Variants in PCDHA11 observed in about 807,000 individuals in gnomAD.
PCDHA11 encodes the protein protocadherin alpha 11, also known as protocadherin alpha-11.
In PCDHA11, 61 loss-of-function variants were observed where a neutral mutation model predicts 70.3. The observed-to-expected ratio is 0.87, with a 90% CI of 0.71 to 1.07. PCDHA11 has a LOEUF of 1.07. Ranked by LOEUF, PCDHA11 falls within the 50% of genes least tolerant of loss-of-function variation. The pLI is 0.00. For missense variants in PCDHA11, 1,324 were observed against 1,237.5 expected, an observed-to-expected ratio of 1.07 and a Z score of -1.05; for synonymous variants, 633 against 555.1, an observed-to-expected ratio of 1.14 and a Z score of -1.97.
At chr5:140,972,027 C>A (rs2096514532) in intron 1 of PCDHA11, among the ~76,000 whole-genome samples, 1 of 152,110 alleles carries the variant, frequency 6.6e-6, no homozygotes, top group African/African-American at 2.4e-5. Flanking sequence ...GATATTCAGG[C>A]ATTTAAGCTA....
In PCDHA11 at chr5:140,949,013, T is replaced by C. The variant is rs541040709; in HGVS notation, c.2392-29936T>C. Among the ~76,000 whole-genome samples, 141 of 151,862 alleles carry C rather than the reference T, an allele frequency of 9.3e-4. No homozygotes were observed. In the Middle Eastern group the frequency reaches 0.01, roughly 11 times the overall value. On this transcript the variant is annotated intron_variant, in intron 1 of 3. Transcript: ENST00000398640. ...GCATTTTACTAATTTTTATATGTGATGTTTTTATTTTTATTCATTTAAAAG... is the reference window on the plus strand; with the variant it reads ...GCATTTTACTAATTTTTATATGTGACGTTTTTATTTTTATTCATTTAAAAG...
intron 1 of PCDHA11, among the ~76,000 whole-genome samples, chr5:140,896,597 G>A (rs577303751): frequency 1.3e-5 from 2 of 151,484 alleles, no homozygotes; most frequent in African/African-American, 4.8e-5. Flanking sequence ...GGCTGGTCTC[G>A]AACTCCTGGT....
intron 3 of PCDHA11, among the ~76,000 whole-genome samples, chr5:140,985,873 G>C (rs1210347898): frequency 1.3e-5 from 2 of 151,280 alleles, no homozygotes; most frequent in Non-Finnish European, 2.9e-5. Flanking sequence ...CTGAGTAGCT[G>C]GGACTACAGG....
chr5:140,898,653 G>A (rs1321472129), intron 1 of PCDHA11, among the ~76,000 whole-genome samples: 1 of 152,202 alleles, frequency 6.6e-6, no homozygotes, highest in Non-Finnish European at 1.5e-5. Context: ...TTTTGGCTTA[G>A]GATTGACTTG....
At chr5:140,941,215 C>CTTTCTTTCTTTCTT (rs2092887387) in intron 1 of PCDHA11, among the ~76,000 whole-genome samples, 1 of 104,510 alleles carries the variant, frequency 9.6e-6, no homozygotes, top group African/African-American at 3.7e-5. Context: ...TTCTTTCTTC[C>CTTTCTTTCTTTCTT]TTTCTTTCTT....
intron 1 of PCDHA11, among the ~76,000 whole-genome samples, chr5:140,913,589 T>G (rs1342360734): frequency 6.6e-6 from 1 of 152,168 alleles, no homozygotes; most frequent in Non-Finnish European, 1.5e-5. Context: ...TATTTCTGCT[T>G]TGATCTTTAT....
At chr5:140,874,045 A>C (rs1365438306) in intron 1 of PCDHA11, among the ~76,000 whole-genome samples, 1 of 152,212 alleles carries the variant, frequency 6.6e-6, no homozygotes, top group East Asian at 1.9e-4. Flanking sequence ...CTTGGTGATG[A>C]TATTAGACAA....
At chr5:140,995,629 T>C (rs1333793289) in intron 3 of PCDHA11, among the ~76,000 whole-genome samples, 1 of 152,164 alleles carries the variant, frequency 6.6e-6, no homozygotes, top group Admixed American at 6.5e-5. Context: ...TTGGAAACTT[T>C]GGAGTGTTTA....
At position 140,993,501 on chromosome 5, in the gene PCDHA11, C is replaced by CACACAT. The variant is rs1554253793; in HGVS notation, c.2539+10943_2539+10944insTACACA. Reference sequence around the variant, plus strand: ...ACACACACACACACACACACACACACACACACACGGGGAGAGAGAGACAGA... The same window carrying CACACAT: ...ACACACACACACACACACACACACACACACATACACACACGGGGAGAGAGAGACAGA... On this transcript the variant is annotated intron_variant, in intron 3 of 3. Coordinates refer to ENST00000398640, the MANE Select transcript of PCDHA11 (RefSeq NM_018902.5). Among the ~76,000 whole-genome samples the CACACAT allele has an allele frequency of 3.4e-5, 5 of 148,992 alleles. No homozygotes were observed. The East Asian group carries it at 7.8e-4, about 23-fold the overall frequency.
At chr5:140,960,186 G>A (rs2153724328) in intron 1 of PCDHA11, among the ~76,000 whole-genome samples, 1 of 152,260 alleles carries the variant, frequency 6.6e-6, no homozygotes, top group East Asian at 1.9e-4. Flanking sequence ...GGGGTTGCAT[G>A]TGTAGTGGTC....
At chr5:140,896,864 G>A (rs1223708211) in intron 1 of PCDHA11, among the ~76,000 whole-genome samples, 1 of 152,088 alleles carries the variant, frequency 6.6e-6, no homozygotes, top group Admixed American at 6.5e-5. Flanking sequence ...CATAATAAGT[G>A]TACATATTTA....
chr5:140,873,888 T>C (rs1225763068), intron 1 of PCDHA11, among the ~76,000 whole-genome samples: 2 of 152,232 alleles, frequency 1.3e-5, no homozygotes, highest in African/African-American at 4.8e-5. Flanking sequence ...CTTGAACTCC[T>C]GACCTCAGGT....
rs1271953937 is a variant in PCDHA11, at chr5:140,869,704, G to A, written c.601G>A (p.Asp201Asn). The change falls in exon 1 of 4, where the codon GAT becomes AAT. Residue 201 changes from aspartate (D) to asparagine (N), a missense_variant. Coordinates refer to ENST00000398640, the MANE Select transcript of PCDHA11 (RefSeq NM_018902.5). ...RLSLILKKSL[D>N]REKTPELNLL... ...GTCACTTATTTTAAAGAAGTCTCTG[G>A]ATAGAGAGAAAACTCCGGAACTTAA... The A allele has an allele frequency of 2.5e-6, 4 of 1,613,400 alleles. No homozygotes were observed. The highest frequency in any genetic ancestry group is 3.3e-5 in the Admixed American group (2 of 60,022).
intron 1 of PCDHA11, among the ~76,000 whole-genome samples, chr5:140,953,801 T>C (rs2094937379): frequency 6.6e-6 from 1 of 152,204 alleles, no homozygotes; most frequent in Non-Finnish European, 1.5e-5. Flanking sequence ...ACTTTTAAGT[T>C]CTGAGGTGCA....
chr5:140,928,251 C>T (rs267600404), intron 1 of PCDHA11: 5 of 1,614,204 alleles, frequency 3.1e-6, no homozygotes, highest in Non-Finnish European at 3.4e-6. Flanking sequence ...AGGAACTTTT[C>T]GTTGCTGAAA....
At chr5:140,885,595 A>G (rs1386755812) in intron 1 of PCDHA11, among the ~76,000 whole-genome samples, 1 of 152,218 alleles carries the variant, frequency 6.6e-6, no homozygotes, top group Non-Finnish European at 1.5e-5. Context: ...CATCAAAGAT[A>G]TTAATAATTT....
In PCDHA11 at chr5:140,871,028, C is replaced by T. The variant is rs782198197; in HGVS notation, c.1925C>T (p.Pro642Leu). ...TTRALDEADS[P>L]RHRLLVLVKD... Reference sequence around the variant, plus strand: ...CGTGCCCTGGACGAGGCAGACTCGCCGCGCCACCGACTTCTAGTACTGGTG... The same window carrying T: ...CGTGCCCTGGACGAGGCAGACTCGCTGCGCCACCGACTTCTAGTACTGGTG... Residue 642 changes from proline (P) to leucine (L), a missense_variant, in exon 1 of 4, where the codon CCG (proline) becomes CTG (leucine). Pro to Leu is a moderately conservative substitution (Grantham distance 98). Coordinates refer to ENST00000398640, the MANE Select transcript of PCDHA11 (RefSeq NM_018902.5). 1.2e-5 allele frequency: 20 copies of T among 1,613,116 alleles called. No homozygotes were observed. The highest frequency in any genetic ancestry group is 1.7e-5 in the Admixed American group (1 of 59,982).
chr5:140,876,023 C>G, intron 1 of PCDHA11: 1 of 1,612,330 alleles, frequency 6.2e-7, no homozygotes, highest in Non-Finnish European at 8.5e-7. Flanking sequence ...AAAATAAAAA[C>G]AAAAAAAGAT....
At chr5:141,002,589 TC>T (rs1157810975) in intron 3 of PCDHA11, among the ~76,000 whole-genome samples, 1 of 152,140 alleles carries the variant, frequency 6.6e-6, no homozygotes, top group African/African-American at 2.4e-5. Context: ...TAGTCCTTAG[TC>T]CCCTCATCTA....
Sources: gnomAD v4.1 joint callset for allele counts (sites outside exome capture counted in the v4.1 genomes callset) on GRCh38, gnomAD v4.1.1 for gene constraint, MANE v1.5 for transcripts, NCBI Gene and HGNC (gene_info 2026-07-23, HGNC 2026-07-21) for gene names.